Variants in GRAMD2B observed in about 807,000 individuals in gnomAD.
The protein encoded by GRAMD2B is GRAM domain containing 2B.
A neutral mutation model predicts 59.2 loss-of-function variants in GRAMD2B; 41 were observed. That is an observed-to-expected ratio of 0.69 (90% confidence interval 0.54 to 0.90). The LOEUF (loss-of-function observed/expected upper bound fraction) is 0.90. GRAMD2B is among the 40% of genes least tolerant of loss of function. The pLI, the probability that GRAMD2B is intolerant of heterozygous loss-of-function variation, is 0.00. For missense variants in GRAMD2B, 424 were observed against 500.5 expected (o/e 0.85, Z 1.46); for synonymous variants, 161 against 182.7 (o/e 0.88, Z 0.96).
intron 1 of GRAMD2B, among the ~76,000 whole-genome samples, chr5:126,392,007 A>G (rs1756847737): frequency 6.6e-6 from 1 of 152,218 alleles, no homozygotes; most frequent in Non-Finnish European, 1.5e-5. Context: ...AAAGTAAGCA[A>G]ATAATTTTTC....
chr5:126,459,268 G>A (rs1452743176), intron 1 of GRAMD2B, among the ~76,000 whole-genome samples: 3 of 152,022 alleles, frequency 2.0e-5, no homozygotes, highest in South Asian at 4.1e-4. Context: ...CATGCCAGCC[G>A]CTAATATCCA....
intron 5 of GRAMD2B, among the ~76,000 whole-genome samples, chr5:126,475,301 AAGC>A (rs1319205055): frequency 6.6e-6 from 1 of 152,196 alleles, no homozygotes; most frequent in Non-Finnish European, 1.5e-5. Flanking sequence ...TATACTCATG[AAGC>A]AATTGCTTGA....
rs149830343 is a variant in GRAMD2B, at chr5:126,481,878, G to C, written c.735+1171G>C. Among the ~76,000 whole-genome samples the C allele has an allele frequency of 4.3e-3, 651 of 151,428 alleles. 5 individuals carry two copies. Among genetic ancestry groups the C allele is most frequent in the African/African-American group, 0.015 (620 of 41,230 alleles). On this transcript the variant is annotated intron_variant, in intron 8 of 13. Transcript: ENST00000285689. ...AGCTACTCAGGAGGCCGAGGCAGGA[G>C]AATTGCTTGAACCTGGGAGGTGGAG...
At chr5:126,451,327 G>C (rs1765334931) in intron 1 of GRAMD2B, among the ~76,000 whole-genome samples, 2 of 152,310 alleles carry the variant, frequency 1.3e-5, no homozygotes, top group South Asian at 4.1e-4. Context: ...AAAGAAAAGA[G>C]GTTTAATTGG....
intron 8 of GRAMD2B, among the ~76,000 whole-genome samples, chr5:126,482,562 T>G (rs1772082636): frequency 6.6e-6 from 1 of 152,240 alleles, no homozygotes; most frequent in South Asian, 2.1e-4. Context: ...ATCATGTATG[T>G]AAGGAGCTTT....
At chr5:126,447,766 G>T (rs1764582139) in intron 1 of GRAMD2B, among the ~76,000 whole-genome samples, 1 of 151,900 alleles carries the variant, frequency 6.6e-6, no homozygotes. Context: ...GAACCTTTTT[G>T]TGGGGATACA....
At chr5:126,483,704 G>A (rs2126930309) in intron 9 of GRAMD2B, 130 bp downstream of exon 9, 1 of 595,174 alleles carries the variant, frequency 1.7e-6, no homozygotes, top group Admixed American at 3.1e-5. Context: ...TAAAAATCAG[G>A]AATGGAATCT....
chr5:126,477,122 T>TTG (rs1770772364), intron 5 of GRAMD2B, among the ~76,000 whole-genome samples: 1 of 152,266 alleles, frequency 6.6e-6, no homozygotes, highest in African/African-American at 2.4e-5. Flanking sequence ...AATGCTCCAA[T>TTG]GAGCATTTCC....
intron 1 of GRAMD2B, among the ~76,000 whole-genome samples, chr5:126,382,452 G>A (rs571502178): frequency 6.6e-6 from 1 of 152,206 alleles, no homozygotes; most frequent in South Asian, 2.1e-4. Context: ...ACGTTCTGAA[G>A]CTCTTTCTTC....
chr5:126,409,394 A>T (rs1758557495), intron 1 of GRAMD2B, among the ~76,000 whole-genome samples: 1 of 152,152 alleles, frequency 6.6e-6, no homozygotes, highest in African/African-American at 2.4e-5. Flanking sequence ...CTAGTATGAG[A>T]TGGTATCTCA....
exon 1 of GRAMD2B, chr5:126,360,274 A>G: frequency 6.5e-7 from 1 of 1,543,778 alleles, no homozygotes; most frequent in Non-Finnish European, 8.8e-7. Flanking sequence ...TGGTGTAAAT[A>G]CAAAGTTCCT....
At chr5:126,397,224 A>G (rs529603806) in intron 1 of GRAMD2B, among the ~76,000 whole-genome samples, 44 of 151,874 alleles carry the variant, frequency 2.9e-4, no homozygotes, top group African/African-American at 9.9e-4. Context: ...TTGGACTTTT[A>G]TTTTATTTAT....
At chr5:126,390,325 G>A (rs543013177) in intron 1 of GRAMD2B, among the ~76,000 whole-genome samples, 1 of 152,196 alleles carries the variant, frequency 6.6e-6, no homozygotes, top group Admixed American at 6.5e-5. Flanking sequence ...TGTAAAGCAT[G>A]GTAAATAGTT....
At chr5:126,476,016 G>A (rs1484682063) in intron 5 of GRAMD2B, among the ~76,000 whole-genome samples, 4 of 152,188 alleles carry the variant, frequency 2.6e-5, no homozygotes, top group East Asian at 1.9e-4. Context: ...GCTGAGGCAG[G>A]AGAATCACTT....
chr5:126,386,859 A>G (rs1182360433), intron 1 of GRAMD2B, among the ~76,000 whole-genome samples: 2 of 152,198 alleles, frequency 1.3e-5, no homozygotes, highest in Non-Finnish European at 2.9e-5. Context: ...TGTTATCACT[A>G]TAGCTACAAC....
intron 2 of GRAMD2B, among the ~76,000 whole-genome samples, chr5:126,466,895 G>A (rs959914391): frequency 1.4e-4 from 22 of 152,124 alleles, no homozygotes; most frequent in African/African-American, 5.3e-4. Flanking sequence ...CTCTCACAGG[G>A]CATGCTTGCT....
intron 2 of GRAMD2B, chr5:126,466,407 C>A: frequency 1.3e-6 from 1 of 746,434 alleles, no homozygotes; most frequent in East Asian, 2.7e-5. Context: ...ATCTTTCCTG[C>A]ATGCTGTTTT....
chr5:126,432,129 A>C (rs115049763), intron 1 of GRAMD2B, among the ~76,000 whole-genome samples: 2 of 151,790 alleles, frequency 1.3e-5, no homozygotes. Context: ...GGGTTTCACC[A>C]TGTTACTCAG....
chr5:126,481,397 A>C (rs1165034750), intron 8 of GRAMD2B, among the ~76,000 whole-genome samples: 1 of 152,142 alleles, frequency 6.6e-6, no homozygotes, highest in Non-Finnish European at 1.5e-5. Flanking sequence ...ATGTTTTCCC[A>C]AGAGAGTTCC....
Sources: allele counts gnomAD v4.1 joint callset (sites outside exome capture counted in the v4.1 genomes callset), GRCh38; gene constraint gnomAD v4.1.1; transcripts MANE v1.5; gene names NCBI Gene and HGNC (gene_info 2026-07-23, HGNC 2026-07-21).